The following GIT2 variants were observed in gnomAD, a reference collection of about 807,000 sequenced individuals.
GIT2 encodes ARF GTPase-activating protein GIT2.
In GIT2, 32 loss-of-function variants were observed where a neutral mutation model predicts 100.3. The observed-to-expected ratio is 0.32, with a 90% CI of 0.24 to 0.43. The LOEUF is 0.43. Ranked by LOEUF, GIT2 falls within the 20% of genes least tolerant of loss-of-function variation. GIT2 has a pLI of 1.00. For synonymous variants in GIT2, 353 were observed against 364.1 expected, an observed-to-expected ratio of 0.97 and a Z score of 0.35; for missense variants, 737 against 975.1, an observed-to-expected ratio of 0.76 and a Z score of 3.25.
chr12:109,968,294 T>C (rs1882984867), intron 7 of GIT2, among the ~76,000 whole-genome samples: 1 of 152,198 alleles, frequency 6.6e-6, no homozygotes, highest in African/African-American at 2.4e-5. Context: ...CTGTGGCATC[T>C]CATTGTGCTA....
rs762646767 is a variant in GIT2 at position 109,991,616 on chromosome 12, T to C, written c.186+11A>G. The C allele has an allele frequency of 6.2e-7, 1 of 1,607,576 alleles. No individual in the cohort carries two copies. The highest frequency in any genetic ancestry group is 1.1e-5 in the South Asian group (1 of 90,524). On this transcript the variant is annotated intron_variant, in intron 2 of 19. Transcript: ENST00000355312. ...AAATTACCAACTGTCAGGAGAATTCTTATCCTTTACCTGAAGCAGTGTTGG... is the reference window on the plus strand; with the variant it reads ...AAATTACCAACTGTCAGGAGAATTCCTATCCTTTACCTGAAGCAGTGTTGG...
intron 15 of GIT2, among the ~76,000 whole-genome samples, chr12:109,945,656 G>C (rs1312869277): frequency 6.6e-6 from 1 of 152,202 alleles, no homozygotes; most frequent in East Asian, 1.9e-4. Flanking sequence ...AATCAGGACT[G>C]ATGTGAAATG....
intron 1 of GIT2, among the ~76,000 whole-genome samples, chr12:109,993,925 A>G (rs1193097191): frequency 6.6e-6 from 1 of 152,088 alleles, no homozygotes; most frequent in African/African-American, 2.4e-5. Context: ...GCATAAAATA[A>G]AACAGAATCA....
At chr12:109,993,234 A>G (rs1888746431) in intron 1 of GIT2, among the ~76,000 whole-genome samples, 1 of 152,176 alleles carries the variant, frequency 6.6e-6, no homozygotes, top group Admixed American at 6.5e-5. Flanking sequence ...TCAAATAAAG[A>G]AAGAGCTATA....
chr12:109,934,987 A>G lies in GIT2; in HGVS notation c.2004-902T>C, dbSNP rs1872592761. On this transcript the variant is annotated intron_variant, in intron 18 of 19. Coordinates refer to ENST00000355312, the MANE Select transcript of GIT2 (RefSeq NM_057169.5). This position sits in a 1 kb window ranked among gnomAD's most constrained non-coding sequence, Gnocchi z 4.5. ...CAGCTACTCAGGAGGCTGAAGCAGG[A>G]GAATCGCTTGAACCCGGGAGGCAGA... 6.6e-6 allele frequency among the ~76,000 whole-genome samples: 1 copy of G among 152,036 alleles called. No individual in the cohort carries two copies. The highest frequency in any genetic ancestry group is 2.4e-5 in the African/African-American group (1 of 41,412).
chr12:109,987,604 C>G (rs1887641469), intron 4 of GIT2, among the ~76,000 whole-genome samples: 1 of 151,606 alleles, frequency 6.6e-6, no homozygotes, highest in Non-Finnish European at 1.5e-5. Context: ...GTAGCTGGTA[C>G]TACAGGCACG....
intron 12 of GIT2, among the ~76,000 whole-genome samples, chr12:109,954,895 T>C (rs1027038306): frequency 2.9e-5 from 4 of 140,264 alleles, no homozygotes; most frequent in African/African-American, 1.1e-4. Context: ...AGACTCTGTC[T>C]CAAAAAAAAA....
intron 1 of GIT2, 91 bp downstream of exon 1, chr12:109,996,082 G>A (rs1593182195): frequency 1.5e-5 from 12 of 787,792 alleles, no homozygotes; most frequent in Non-Finnish European, 2.3e-5. Context: ...GACCCTAGCC[G>A]CGGGATGCAG....
upstream of GIT2, chr12:109,999,701 T>C: frequency 6.5e-7 from 1 of 1,536,408 alleles, no homozygotes; most frequent in Non-Finnish European, 8.8e-7. This position sits in a 1 kb window ranked among gnomAD's most constrained non-coding sequence, Gnocchi z 4.3. Flanking sequence ...GTCCTCGGCC[T>C]GCGACGCGGG....
chr12:109,967,843 C>T (rs751655644), intron 7 of GIT2, among the ~76,000 whole-genome samples: 16 of 152,168 alleles, frequency 1.1e-4, no homozygotes, highest in South Asian at 2.1e-4. Context: ...CATCAGCCCA[C>T]GGTGTGGGAC....
intron 17 of GIT2, 37 bp downstream of exon 17, chr12:109,939,128 G>A (rs1295866203): frequency 2.3e-6 from 3 of 1,308,046 alleles, no homozygotes; most frequent in Non-Finnish European, 3.3e-6. Context: ...TGGCCCTGGG[G>A]AGCCCCTCCC....
chr12:109,949,401 A>G (rs1296265044), intron 14 of GIT2, among the ~76,000 whole-genome samples: 2 of 152,214 alleles, frequency 1.3e-5, no homozygotes, highest in Non-Finnish European at 2.9e-5. Flanking sequence ...ACTTTATCCT[A>G]ACACTTTTCA....
chr12:109,935,493 C>T (rs1490238174), intron 18 of GIT2, among the ~76,000 whole-genome samples: 1 of 152,180 alleles, frequency 6.6e-6, no homozygotes, highest in Non-Finnish European at 1.5e-5. Context: ...TCTCCGCCTC[C>T]CGGCTTCAAG....
intron 16 of GIT2, among the ~76,000 whole-genome samples, chr12:109,941,432 G>A (rs1415470903): frequency 6.6e-6 from 1 of 152,192 alleles, no homozygotes; most frequent in East Asian, 1.9e-4. Flanking sequence ...TCATGGGCAA[G>A]CACTGTGGTC....
intron 7 of GIT2, among the ~76,000 whole-genome samples, chr12:109,978,090 T>G (rs1024633886): frequency 5.1e-4 from 74 of 146,472 alleles, no homozygotes; most frequent in Middle Eastern, 3.4e-3. Flanking sequence ...TTTTTTTTTT[T>G]TTTTTTTTTT....
chr12:109,937,352 T>C (rs1456595722), intron 18 of GIT2, among the ~76,000 whole-genome samples: 2 of 152,196 alleles, frequency 1.3e-5, no homozygotes, highest in East Asian at 3.8e-4. Context: ...ACAGCATCCC[T>C]TGAATACTTT....
chr12:109,933,881 G>C lies in GIT2; in HGVS notation c.2067+141C>G. The C allele has an allele frequency of 1.5e-6, 1 of 655,216 alleles. No individual in the cohort carries two copies. Among genetic ancestry groups the C allele is most frequent in the Non-Finnish European group, 2.8e-6 (1 of 351,108 alleles). 40.6% of individuals were successfully genotyped at this position (655,216 alleles called of 1,614,324 possible). ...CTCCCAAAGTGCTGGGGTTACAGGC[G>C]TGAGCCACCACACCCGGCCTCGACT... On this transcript the variant is annotated intron_variant, in intron 19 of 19. Transcript: ENST00000355312. This position sits in a 1 kb window ranked among gnomAD's most constrained non-coding sequence, Gnocchi z 4.5.
At chr12:109,951,354 G>C (rs769539557) in intron 13 of GIT2, 38 bp from the exon 14 acceptor site, 1 of 1,542,026 alleles carries the variant, frequency 6.5e-7, no homozygotes, top group Non-Finnish European at 8.9e-7. Context: ...AATCTGAGAT[G>C]ACGAGAACAT....
intron 16 of GIT2, chr12:109,939,575 G>A (rs1873987447): frequency 5.1e-6 from 1 of 196,750 alleles, no homozygotes; most frequent in Non-Finnish European, 1.1e-5. Flanking sequence ...TACAGGCAGG[G>A]TGTGGTGGCT....
Sources: gnomAD v4.1 joint callset for allele counts (sites outside exome capture counted in the v4.1 genomes callset) on GRCh38, gnomAD v4.1.1 for gene constraint, Gnocchi (gnomAD v3.1) non-coding constraint, MANE v1.5 for transcripts, NCBI Gene and HGNC (gene_info 2026-07-23, HGNC 2026-07-21) for gene names.